The following PIGU variants were observed in gnomAD, a reference collection of about 807,000 sequenced individuals.
PIGU encodes the protein phosphatidylinositol glycan anchor biosynthesis class U, also known as GPI-anchor transamidase component PIGU.
In PIGU, 24 loss-of-function variants were observed where a neutral mutation model predicts 49.9. The observed-to-expected ratio is 0.48, with a 90% CI of 0.35 to 0.68. PIGU has a LOEUF of 0.68. PIGU is among the 30% of genes least tolerant of loss of function. The pLI, the probability that PIGU is intolerant of heterozygous loss-of-function variation, is 0.01. For synonymous variants in PIGU, 220 were observed against 205.7 expected (o/e 1.07, Z -0.59); for missense variants, 490 against 532.6 (o/e 0.92, Z 0.79).
chr20:34,676,296 G>C (rs1987495129), intron 1 of PIGU, among the ~76,000 whole-genome samples: 1 of 152,186 alleles, frequency 6.6e-6, no homozygotes, highest in Non-Finnish European at 1.5e-5. Context: ...GGAAGGAACT[G>C]GGTGGACACA....
At chr20:34,672,618 C>A (rs949119153) in intron 1 of PIGU, among the ~76,000 whole-genome samples, 15 of 151,956 alleles carry the variant, frequency 9.9e-5, no homozygotes, top group African/African-American at 3.6e-4. Context: ...TTTGGGAGGC[C>A]AAGGCAGAAG....
intron 4 of PIGU, among the ~76,000 whole-genome samples, chr20:34,640,531 ACACACC>A (rs754548954): frequency 0.061 from 7,522 of 122,756 alleles, 274 homozygotes; most frequent in African/African-American, 0.11. Context: ...ACACACACAC[ACACACC>A]CCTTAAGAAA....
chr20:34,610,619 G>A (rs1984778282), intron 7 of PIGU, among the ~76,000 whole-genome samples: 1 of 152,124 alleles, frequency 6.6e-6, no homozygotes, highest in African/African-American at 2.4e-5. Context: ...TCATGAAAAT[G>A]GTCATACTGC....
intron 7 of PIGU, among the ~76,000 whole-genome samples, chr20:34,590,577 G>GTAACA (rs10544376): frequency 0.25 from 35,134 of 140,434 alleles, 4,549 homozygotes; most frequent in East Asian, 0.28. Context: ...ATAGCGTAAC[G>GTAACA]TAACATAACA....
chr20:34,574,125 T>C (rs1032542920), intron 11 of PIGU, among the ~76,000 whole-genome samples: 2 of 152,228 alleles, frequency 1.3e-5, no homozygotes, highest in Non-Finnish European at 2.9e-5. Flanking sequence ...GTACAAGTGA[T>C]TCTCAAAAGA....
At chr20:34,667,931 T>G (rs1253894022) in intron 1 of PIGU, among the ~76,000 whole-genome samples, 1 of 152,108 alleles carries the variant, frequency 6.6e-6, no homozygotes, top group Non-Finnish European at 1.5e-5. Context: ...TCACCAGTAT[T>G]AGGGCATTTC....
intron 10 of PIGU, among the ~76,000 whole-genome samples, chr20:34,575,519 AT>A (rs1983189529): frequency 6.6e-6 from 1 of 152,182 alleles, no homozygotes; most frequent in African/African-American, 2.4e-5. Flanking sequence ...TAGAAATGCC[AT>A]GAGTGCCTCG....
chr20:34,652,555 T>C (rs1163019042), intron 2 of PIGU, among the ~76,000 whole-genome samples: 1 of 152,220 alleles, frequency 6.6e-6, no homozygotes, highest in African/African-American at 2.4e-5. Flanking sequence ...GAAGCTGTGG[T>C]TATTGACTTG....
intron 1 of PIGU, among the ~76,000 whole-genome samples, chr20:34,671,837 C>T (rs1987315566): frequency 6.6e-6 from 1 of 151,878 alleles, no homozygotes; most frequent in Non-Finnish European, 1.5e-5. Context: ...GAGAATGAAT[C>T]GTTTGAACCT....
chr20:34,590,451 G>A (rs1305303012), intron 7 of PIGU, among the ~76,000 whole-genome samples: 1 of 152,094 alleles, frequency 6.6e-6, no homozygotes, highest in Non-Finnish European at 1.5e-5. Context: ...CAGCTACTCA[G>A]GAGACTAAGG....
At chr20:34,626,178 C>A (rs557195829) in intron 6 of PIGU, among the ~76,000 whole-genome samples, 80 of 151,824 alleles carry the variant, frequency 5.3e-4, no homozygotes, top group Admixed American at 8.5e-4. Flanking sequence ...AGCTTTCTGT[C>A]TTTATTTCTG....
intron 7 of PIGU, among the ~76,000 whole-genome samples, chr20:34,602,664 A>G (rs1984471133): frequency 6.6e-6 from 1 of 152,244 alleles, no homozygotes; most frequent in African/African-American, 2.4e-5. Flanking sequence ...ATGATGCCCT[A>G]AAAACTCTAT....
At position 34,664,886 on chromosome 20, in the gene PIGU, G is replaced by A. The variant is rs535879471; in HGVS notation, c.131-7642C>T. Among the ~76,000 whole-genome samples the A allele has an allele frequency of 6.6e-5, 10 of 151,600 alleles. No individual in the cohort carries two copies. In the South Asian group the frequency reaches 1.9e-3, roughly 29 times the overall value. ...GTGCAGCTACTCAGCAGGCTGAGGT[G>A]GGAGGATTACCTGAGCCCAAGAGTT... On this transcript the variant is annotated intron_variant, in intron 1 of 11. Transcript: ENST00000217446.
chr20:34,600,772 C>T (rs980193078), intron 7 of PIGU, among the ~76,000 whole-genome samples: 2 of 152,120 alleles, frequency 1.3e-5, no homozygotes, highest in African/African-American at 4.8e-5. Flanking sequence ...CGGTGGCTCA[C>T]ACCTATAATC....
intron 1 of PIGU, among the ~76,000 whole-genome samples, chr20:34,659,678 T>C (rs979067836): frequency 6.6e-6 from 1 of 152,156 alleles, no homozygotes; most frequent in Non-Finnish European, 1.5e-5. Context: ...GAAGTAGACA[T>C]GGGAGACTTT....
intron 4 of PIGU, chr20:34,643,696 C>A: frequency 6.8e-6 from 1 of 147,462 alleles, no homozygotes; most frequent in Non-Finnish European, 1.5e-5. Context: ...TCAAATTTTC[C>A]AATTAAGATT....
chr20:34,582,871 C>G (rs956486317), intron 9 of PIGU, among the ~76,000 whole-genome samples: 4 of 152,014 alleles, frequency 2.6e-5, no homozygotes, highest in Non-Finnish European at 5.9e-5. Flanking sequence ...AGTTGGGGGA[C>G]AGAGCTCAAT....
chr20:34,577,589 G>A (rs1983287910), intron 10 of PIGU, among the ~76,000 whole-genome samples: 1 of 152,102 alleles, frequency 6.6e-6, no homozygotes, highest in African/African-American at 2.4e-5. Context: ...GGTGGCGGGT[G>A]CCTATAATCC....
At chr20:34,595,095 C>CAAAAAAAAAAAAAA (rs71194627) in intron 7 of PIGU, among the ~76,000 whole-genome samples, 2 of 71,332 alleles carry the variant, frequency 2.8e-5, no homozygotes. Context: ...GACTCCGTCT[C>CAAAAAAAAAAAAAA]AAAAAAAAAA....
Sources: allele counts gnomAD v4.1 joint callset (sites outside exome capture counted in the v4.1 genomes callset), GRCh38; gene constraint gnomAD v4.1.1; transcripts MANE v1.5; gene names NCBI Gene and HGNC (gene_info 2026-07-23, HGNC 2026-07-21).